Variants in RIMS1 observed in about 807,000 individuals in gnomAD.
RIMS1 encodes regulating synaptic membrane exocytosis 1.
A neutral mutation model predicts 214.1 loss-of-function variants in RIMS1; 83 were observed. That is an observed-to-expected ratio of 0.39 (90% CI 0.32 to 0.47). RIMS1 has a LOEUF of 0.47. RIMS1 is among the 20% of genes least tolerant of loss of function. The probability of loss-of-function intolerance (pLI) is 0.99; values close to 1 mark genes in which losing one functional copy is unlikely to be tolerated. For synonymous variants in RIMS1, 793 were observed against 786.8 expected (o/e 1.01, Z -0.13); for missense variants, 2,050 against 2,161.8 (o/e 0.95, Z 1.03).
At chr6:72,324,020 A>G (rs1452225059) in intron 28 of RIMS1, among the ~76,000 whole-genome samples, 2 of 142,616 alleles carry the variant, frequency 1.4e-5, no homozygotes, top group Non-Finnish European at 3.1e-5. Context: ...AAATGAGTGC[A>G]TGCATGCATA....
At chr6:72,166,171 C>G (rs554806327) in intron 4 of RIMS1, among the ~76,000 whole-genome samples, 1 of 151,982 alleles carries the variant, frequency 6.6e-6, no homozygotes, top group Non-Finnish European at 1.5e-5. Context: ...TTCCTCTGGG[C>G]TTATGTGAAA....
chr6:72,144,071 G>T lies in RIMS1; in HGVS notation c.472-35504G>T, dbSNP rs144104772. On this transcript the variant is annotated intron_variant, in intron 4 of 33. Transcript: ENST00000521978. Reference sequence around the variant, plus strand: ...CTTCCAGTTCTTCCACTATAGCAGCGAACGCAGGCCCGTATTACTAAAGCA... The same window carrying T: ...CTTCCAGTTCTTCCACTATAGCAGCTAACGCAGGCCCGTATTACTAAAGCA... Among the ~76,000 whole-genome samples, 1,024 of 152,150 alleles carry T rather than the reference G, an allele frequency of 6.7e-3. 12 individuals carry two copies. Among genetic ancestry groups the T allele is most frequent in the South Asian group, 0.02 (96 of 4,812 alleles).
chr6:72,240,795 G>C (rs1169745081), intron 9 of RIMS1, among the ~76,000 whole-genome samples: 1 of 151,902 alleles, frequency 6.6e-6, no homozygotes, highest in Non-Finnish European at 1.5e-5. Flanking sequence ...CATCACCTGA[G>C]TTTAGGAGTT....
intron 2 of RIMS1, among the ~76,000 whole-genome samples, chr6:72,063,876 G>A (rs923257599): frequency 3.3e-5 from 5 of 152,226 alleles, no homozygotes; most frequent in African/African-American, 1.2e-4. Flanking sequence ...TGGGATTGAA[G>A]TGTGGCTGTG....
At position 72,398,890 on chromosome 6, in the gene RIMS1, C is replaced by A. The variant is rs537384979; in HGVS notation, c.4721-65C>A. The A allele has an allele frequency of 2.4e-4, 241 of 1,019,042 alleles. 1 individual carries two copies. The African/African-American group carries it at 3.5e-3, about 15-fold the overall frequency. The allele number at this position is 1,019,042 out of a possible 1,614,324, so 63.1% of individuals were successfully genotyped here. On this transcript the variant is annotated intron_variant, in intron 32 of 33. Transcript: ENST00000521978. Reference sequence around the variant, plus strand: ...ATCTCTAATTCTCTAATAGGGAATTCTCTAATTAAAAAAATAGTTGAATTT... The same window carrying A: ...ATCTCTAATTCTCTAATAGGGAATTATCTAATTAAAAAAATAGTTGAATTT...
At chr6:72,161,959 T>C (rs1366834382) in intron 4 of RIMS1, among the ~76,000 whole-genome samples, 3 of 140,732 alleles carry the variant, frequency 2.1e-5, no homozygotes, top group African/African-American at 7.4e-5. Flanking sequence ...CTTTCTGTCT[T>C]GTTGACCTGT....
chr6:71,940,978 G>C (rs1785926436), intron 1 of RIMS1, among the ~76,000 whole-genome samples: 1 of 152,164 alleles, frequency 6.6e-6, no homozygotes, highest in South Asian at 2.1e-4. Context: ...GAAATGGGAA[G>C]TCAGGGTCTC....
At chr6:72,125,818 T>A (rs2153836137) in intron 4 of RIMS1, among the ~76,000 whole-genome samples, 1 of 152,326 alleles carries the variant, frequency 6.6e-6, no homozygotes, top group South Asian at 2.1e-4. Flanking sequence ...AATCTCCTGG[T>A]GTGCTGTTTG....
chr6:72,049,180 C>G (rs981677230), intron 2 of RIMS1, among the ~76,000 whole-genome samples: 2 of 152,092 alleles, frequency 1.3e-5, no homozygotes, highest in Non-Finnish European at 2.9e-5. Context: ...ACAAAAGTGT[C>G]TGAATCCTGG....
chr6:72,354,881 A>G (rs1301509160), intron 29 of RIMS1, among the ~76,000 whole-genome samples: 3 of 152,196 alleles, frequency 2.0e-5, no homozygotes, highest in Non-Finnish European at 4.4e-5. Flanking sequence ...CTTTATACAT[A>G]AAACCCAACT....
chr6:72,005,689 GT>G (rs1486002864), intron 2 of RIMS1, among the ~76,000 whole-genome samples: 1 of 152,176 alleles, frequency 6.6e-6, no homozygotes, highest in Non-Finnish European at 1.5e-5. Flanking sequence ...AAAGAAGGCT[GT>G]TTTTAACAGT....
At chr6:72,348,998 A>G (rs1182967902) in intron 29 of RIMS1, among the ~76,000 whole-genome samples, 1 of 151,980 alleles carries the variant, frequency 6.6e-6, no homozygotes, top group Non-Finnish European at 1.5e-5. Flanking sequence ...TTTGTTGGGC[A>G]TAGGGCCAGA....
intron 29 of RIMS1, among the ~76,000 whole-genome samples, chr6:72,360,934 T>G (rs1228813020): frequency 3.6e-5 from 5 of 138,592 alleles, no homozygotes; most frequent in Admixed American, 3.6e-4. Context: ...AAGTGGTAGG[T>G]TTTTTTTTTT....
intron 29 of RIMS1, among the ~76,000 whole-genome samples, chr6:72,341,294 C>A (rs532330114): frequency 3.3e-5 from 5 of 152,028 alleles, no homozygotes; most frequent in African/African-American, 1.2e-4. Context: ...TGCCTGATTG[C>A]CCTGGCCATT....
rs879941635 is a variant in RIMS1 at position 72,196,371 on chromosome 6, C to CTGTCTGTT, written c.1678+13229_1678+13230insTTGTCTGT. The stretch of plus-strand genomic sequence containing the variant: ...TTCCTCTGTCTGTCTGTCTGTCTGT[C>CTGTCTGTT]TGTCTGTCTATCTATCTATCTATCT... On this transcript the variant is annotated intron_variant, in intron 6 of 33. Coordinates refer to ENST00000521978, the MANE Select transcript of RIMS1 (RefSeq NM_014989.7). Among the ~76,000 whole-genome samples, 621 of 126,754 alleles carry CTGTCTGTT rather than the reference C, an allele frequency of 4.9e-3. 2 individuals carry two copies. Among genetic ancestry groups the CTGTCTGTT allele is most frequent in the South Asian group, 6.9e-3 (25 of 3,618 alleles). The allele number at this position is 126,754 out of a possible 152,430, so 83.2% of individuals were successfully genotyped here.
At chr6:72,040,891 G>T (rs1168286307) in intron 2 of RIMS1, among the ~76,000 whole-genome samples, 1 of 151,434 alleles carries the variant, frequency 6.6e-6, no homozygotes, top group Non-Finnish European at 1.5e-5. Context: ...TAATAATATG[G>T]TTTAAAAAAT....
At chr6:72,262,934 A>C in intron 19 of RIMS1, 1 of 483,646 alleles carries the variant, frequency 2.1e-6, no homozygotes, top group African/African-American at 2.1e-5. Context: ...GTACTTTGTC[A>C]ATTTCCTGAC....
At chr6:72,084,472 A>T (rs1834174173) in intron 2 of RIMS1, among the ~76,000 whole-genome samples, 1 of 152,212 alleles carries the variant, frequency 6.6e-6, no homozygotes, top group Admixed American at 6.5e-5. Context: ...CAGACCTCTG[A>T]TATATCTCCA....
chr6:72,094,908 G>A (rs192332248), intron 2 of RIMS1, among the ~76,000 whole-genome samples: 21 of 151,390 alleles, frequency 1.4e-4, no homozygotes, highest in African/African-American at 5.1e-4. Flanking sequence ...TCCTTGGTTA[G>A]ATATATTTCC....
Sources: gnomAD v4.1 joint callset for allele counts (sites outside exome capture counted in the v4.1 genomes callset) on GRCh38, gnomAD v4.1.1 for gene constraint, MANE v1.5 for transcripts, NCBI Gene and HGNC (gene_info 2026-07-23, HGNC 2026-07-21) for gene names.